The following SEPTIN11 variants were observed in gnomAD, a reference collection of about 807,000 sequenced individuals.
SEPTIN11 encodes the protein septin-11.
Under a neutral mutation model 51.4 loss-of-function variants are expected in SEPTIN11, and 25 were observed. That is an observed-to-expected ratio of 0.49 (90% CI 0.35 to 0.68). The LOEUF (loss-of-function observed/expected upper bound fraction) is 0.68. SEPTIN11 is among the 30% of genes least tolerant of loss of function. The pLI, the probability that SEPTIN11 is intolerant of heterozygous loss-of-function variation, is 0.00. For synonymous variants in SEPTIN11, 174 were observed against 184.1 expected, an observed-to-expected ratio of 0.95 and a Z score of 0.44; for missense variants, 381 against 520.8, an observed-to-expected ratio of 0.73 and a Z score of 2.61.
At chr4:77,033,562 C>T (rs1419879543) in intron 9 of SEPTIN11, among the ~76,000 whole-genome samples, 5 of 152,170 alleles carry the variant, frequency 3.3e-5, no homozygotes, top group Admixed American at 3.3e-4. Flanking sequence ...CTGGCACTGC[C>T]ATTAGCTGGA....
chr4:76,973,175 C>T (rs996952659), intron 1 of SEPTIN11: 2 of 152,202 alleles, frequency 1.3e-5, no homozygotes, highest in South Asian at 2.1e-4. Flanking sequence ...AGGACTTTAT[C>T]ACTCAAAGCC....
chr4:76,990,082 G>A (rs1338879705), intron 1 of SEPTIN11, among the ~76,000 whole-genome samples: 1 of 152,084 alleles, frequency 6.6e-6, no homozygotes, highest in East Asian at 1.9e-4. Context: ...GGCTTGGGTG[G>A]CCAGCTTTTA....
chr4:76,967,557 A>G (rs1057153219), intron 1 of SEPTIN11, among the ~76,000 whole-genome samples: 1 of 152,220 alleles, frequency 6.6e-6, no homozygotes, highest in Non-Finnish European at 1.5e-5. Flanking sequence ...AAAAGAAGAG[A>G]TGGACATTTG....
At chr4:77,040,129 T>G (rs2109996546), downstream of SEPTIN11, 1 of 152,312 alleles carries the variant, frequency 6.6e-6, no homozygotes, top group Non-Finnish European at 1.5e-5. Context: ...GGGGTTCAAT[T>G]TATATTTAAA....
At chr4:76,951,724 A>T (rs1721358268) in intron 1 of SEPTIN11, among the ~76,000 whole-genome samples, 1 of 152,258 alleles carries the variant, frequency 6.6e-6, no homozygotes. Context: ...AGAAATAATT[A>T]GCTGCACATT....
chr4:77,015,569 C>CT (rs540576467), intron 5 of SEPTIN11, among the ~76,000 whole-genome samples: 25 of 152,286 alleles, frequency 1.6e-4, no homozygotes, highest in African/African-American at 5.5e-4. Context: ...AGTCTCCATC[C>CT]TGCCGGTTGA....
intron 1 of SEPTIN11, among the ~76,000 whole-genome samples, chr4:76,982,090 G>C (rs1722799232): frequency 6.6e-6 from 1 of 152,116 alleles, no homozygotes; most frequent in South Asian, 2.1e-4. Flanking sequence ...TCTACTCTTA[G>C]TTTTCCTAGT....
chr4:77,014,798 C>A, intron 4 of SEPTIN11, 58 bp from the exon 5 acceptor site: 1 of 1,537,384 alleles, frequency 6.5e-7, no homozygotes, highest in Non-Finnish European at 8.9e-7. Context: ...ATGTTTTATT[C>A]ACTTGTCTAT....
At chr4:77,029,817 T>TACACATATATATGTGTATATATATACAA (rs1560750014) in intron 8 of SEPTIN11, among the ~76,000 whole-genome samples, 8 of 149,660 alleles carry the variant, frequency 5.3e-5, no homozygotes, top group East Asian at 1.9e-4. Context: ...CATATATACA[T>TACACATATATATGTGTATATATATACAA]ACACATATAT....
chr4:77,031,142 G>A, intron 9 of SEPTIN11, 172 bp downstream of exon 9: 1 of 616,046 alleles, frequency 1.6e-6, no homozygotes, highest in Non-Finnish European at 2.7e-6. Flanking sequence ...TTTTTTAAAA[G>A]GTACACAAAG....
Position 76,949,854 on chromosome 4 carries a change from G to C in SEPTIN11, c.-50G>C. On this transcript the variant is annotated 5_prime_UTR_variant, in exon 1 of 10. Transcript: ENST00000264893. ...GGAGCCCGAGCACTAGCAGCAGCCG[G>C]AGTCGGCGTAAAGCACCCGGGCGCA... 2.0e-6 allele frequency: 3 copies of C among 1,506,898 alleles called. No individual in the cohort carries two copies. The highest frequency in any genetic ancestry group is 2.7e-6 in the Non-Finnish European group (3 of 1,130,942). 93.3% of individuals were successfully genotyped at this position (1,506,898 alleles called of 1,614,324 possible). A position where few individuals can be genotyped will look rare whatever the true frequency, so the allele number is the denominator to read the frequency against.
At chr4:77,027,101 C>A (rs1006614405) in intron 7 of SEPTIN11, among the ~76,000 whole-genome samples, 14 of 152,114 alleles carry the variant, frequency 9.2e-5, no homozygotes, top group African/African-American at 3.4e-4. Context: ...AAACTAATAA[C>A]CGTGTTAATT....
chr4:76,960,211 G>A (rs1250722005), intron 1 of SEPTIN11, among the ~76,000 whole-genome samples: 1 of 152,152 alleles, frequency 6.6e-6, no homozygotes, highest in African/African-American at 2.4e-5. Context: ...ACTTACGTGG[G>A]TAGGCAGTCT....
intron 2 of SEPTIN11, among the ~76,000 whole-genome samples, chr4:76,999,078 A>C (rs1723933398): frequency 6.6e-6 from 1 of 151,986 alleles, no homozygotes; most frequent in Non-Finnish European, 1.5e-5. Flanking sequence ...CATCCTGTGC[A>C]TTTTCCTTTT....
intron 1 of SEPTIN11, among the ~76,000 whole-genome samples, chr4:76,956,671 G>T (rs575196418): frequency 3.3e-5 from 5 of 152,282 alleles, no homozygotes; most frequent in African/African-American, 4.8e-5. Flanking sequence ...GCTCTTAGAT[G>T]GGTCACTTCC....
intron 4 of SEPTIN11, among the ~76,000 whole-genome samples, chr4:77,013,862 T>G (rs1725038220): frequency 6.6e-6 from 1 of 152,224 alleles, no homozygotes; most frequent in Non-Finnish European, 1.5e-5. Context: ...TCACCTGAAC[T>G]GGGTGAAGAT....
At chr4:76,976,330 T>C (rs1722501974) in intron 1 of SEPTIN11, among the ~76,000 whole-genome samples, 1 of 152,214 alleles carries the variant, frequency 6.6e-6, no homozygotes, top group Non-Finnish European at 1.5e-5. Context: ...TATACTTGTG[T>C]TAACATAAGA....
At chr4:77,013,445 C>G (rs1038245605) in intron 4 of SEPTIN11, among the ~76,000 whole-genome samples, 1 of 152,212 alleles carries the variant, frequency 6.6e-6, no homozygotes, top group Non-Finnish European at 1.5e-5. Flanking sequence ...CTTGATTTCT[C>G]TATCTCCTCT....
Position 77,015,037 on chromosome 4 carries a change from G to A in SEPTIN11, c.687+20G>A. The stretch of plus-strand genomic sequence containing the variant: ...ATGAGTGTAAGTCCTCAAGTCAAAT[G>A]GGAACAAGTGATTTTTATGAACGCC... On this transcript the variant is annotated intron_variant, in intron 5 of 9. Coordinates refer to ENST00000264893, the MANE Select transcript of SEPTIN11 (RefSeq NM_018243.4). 6.2e-7 allele frequency: 1 copy of A among 1,608,264 alleles called. No homozygotes were observed. Among genetic ancestry groups the A allele is most frequent in the Non-Finnish European group, 8.5e-7 (1 of 1,176,428 alleles).
Sources: allele counts gnomAD v4.1 joint callset (sites outside exome capture counted in the v4.1 genomes callset), GRCh38; gene constraint gnomAD v4.1.1; transcripts MANE v1.5; gene names NCBI Gene and HGNC (gene_info 2026-07-23, HGNC 2026-07-21).